Variants in IGF1 observed in about 807,000 individuals in gnomAD.
IGF1 encodes insulin like growth factor 1.
Under a neutral mutation model 13.8 loss-of-function variants are expected in IGF1, and 4 were observed. The ratio of observed to expected loss-of-function variants is 0.29; its 90% confidence interval spans 0.14 to 0.66. IGF1 has a LOEUF of 0.66. IGF1 is among the 30% of genes least tolerant of loss of function. The probability of loss-of-function intolerance (pLI) is 0.78; values close to 1 mark genes in which losing one functional copy is unlikely to be tolerated. For missense variants in IGF1, 124 were observed against 188.5 expected, an observed-to-expected ratio of 0.66 and a Z score of 2.00; for synonymous variants, 76 against 72.6, an observed-to-expected ratio of 1.05 and a Z score of -0.23.
At chr12:102,476,701 C>A (rs576156592) in intron 1 of IGF1, among the ~76,000 whole-genome samples, 1 of 152,136 alleles carries the variant, frequency 6.6e-6, no homozygotes, top group African/African-American at 2.4e-5. Flanking sequence ...GGCTTCATCT[C>A]TTGGAGGGAC....
At chr12:102,425,400 ATCT>A (rs1876112297) in intron 2 of IGF1, among the ~76,000 whole-genome samples, 2 of 152,218 alleles carry the variant, frequency 1.3e-5, no homozygotes, top group African/African-American at 4.8e-5. Context: ...GGACAAGGTC[ATCT>A]TTTTCTAGGA....
chr12:102,427,032 C>T (rs755041531), intron 2 of IGF1, among the ~76,000 whole-genome samples: 2 of 152,166 alleles, frequency 1.3e-5, no homozygotes, highest in Non-Finnish European at 2.9e-5. Flanking sequence ...ACCAGGGCTC[C>T]CTCTCCTGCC....
intron 2 of IGF1, among the ~76,000 whole-genome samples, chr12:102,473,789 C>T (rs745969641): frequency 7.2e-5 from 11 of 152,182 alleles, no homozygotes; most frequent in African/African-American, 2.7e-4. Flanking sequence ...TGTCCAATAT[C>T]CTTAAGTGTC....
At chr12:102,404,520 A>G (rs1873967192) in intron 3 of IGF1, among the ~76,000 whole-genome samples, 1 of 152,222 alleles carries the variant, frequency 6.6e-6, no homozygotes, top group Non-Finnish European at 1.5e-5. Context: ...CTGACTGAGT[A>G]GAAGGAAGAT....
intron 2 of IGF1, among the ~76,000 whole-genome samples, chr12:102,469,185 G>A (rs1880532124): frequency 6.6e-6 from 1 of 152,086 alleles, no homozygotes; most frequent in Admixed American, 6.5e-5. Context: ...CTTTATTTTG[G>A]GGAAGTTTCT....
chr12:102,479,634 C>T (rs1881284381), intron 1 of IGF1, among the ~76,000 whole-genome samples: 1 of 152,154 alleles, frequency 6.6e-6, no homozygotes. Context: ...GCAAGCAGCT[C>T]TTAGAAAGTT....
chr12:102,406,297 C>G lies in IGF1; in HGVS notation c.403-3731G>C, dbSNP rs1057106055. Among the ~76,000 whole-genome samples, 6 of 152,220 alleles carry G rather than the reference C, an allele frequency of 3.9e-5. No homozygotes were observed. The South Asian group carries it at 1.2e-3, about 32-fold the overall frequency. ...TACGCCAGCCACCCTTGACAATGGGCGGCAAGTGGAGGCATGTTAGAAGCA... is the reference window on the plus strand; with the variant it reads ...TACGCCAGCCACCCTTGACAATGGGGGGCAAGTGGAGGCATGTTAGAAGCA... On this transcript the variant is annotated intron_variant, in intron 3 of 3. Coordinates refer to ENST00000337514, the MANE Select transcript of IGF1 (RefSeq NM_000618.5).
chr12:102,428,430 G>A (rs943239107), intron 2 of IGF1, among the ~76,000 whole-genome samples: 1 of 151,836 alleles, frequency 6.6e-6, no homozygotes, highest in African/African-American at 2.4e-5. Flanking sequence ...CTAATTTGGA[G>A]TTGGGCTTGA....
chr12:102,402,994 G>A (rs937611140), intron 3 of IGF1, among the ~76,000 whole-genome samples: 1 of 152,158 alleles, frequency 6.6e-6, no homozygotes, highest in Admixed American at 6.5e-5. Context: ...TTGTAAAAAA[G>A]AGACATTTAT....
At chr12:102,412,737 C>T (rs1439249802) in intron 3 of IGF1, among the ~76,000 whole-genome samples, 1 of 152,196 alleles carries the variant, frequency 6.6e-6, no homozygotes, top group Non-Finnish European at 1.5e-5. Flanking sequence ...CTTAGGGGCT[C>T]TCTGGAAGAA....
intron 2 of IGF1, among the ~76,000 whole-genome samples, chr12:102,448,689 T>TAAAAAAAAAAAAA (rs58794507): frequency 9.1e-6 from 1 of 110,308 alleles, no homozygotes. Context: ...TAGAGTATAA[T>TAAAAAAAAAAAAA]AAAAAAAAAA....
intron 3 of IGF1, among the ~76,000 whole-genome samples, chr12:102,415,445 A>G (rs1744976756): frequency 6.6e-6 from 1 of 152,184 alleles, no homozygotes; most frequent in South Asian, 2.1e-4. Context: ...TAATTGCTTT[A>G]GAGTTGATAA....
chr12:102,422,022 CA>C (rs5742669), intron 2 of IGF1, among the ~76,000 whole-genome samples: 1 of 151,426 alleles, frequency 6.6e-6, no homozygotes, highest in Non-Finnish European at 1.5e-5. Flanking sequence ...ATCATCACAG[CA>C]AAAAAAATAA....
chr12:102,428,203 G>T (rs1488716270), intron 2 of IGF1, among the ~76,000 whole-genome samples: 1 of 67,736 alleles, frequency 1.5e-5, no homozygotes, highest in Non-Finnish European at 3.5e-5. Flanking sequence ...TATCCAGATG[G>T]TCATGAACGA....
chr12:102,427,868 T>A (rs1876350160), intron 2 of IGF1, among the ~76,000 whole-genome samples: 1 of 151,960 alleles, frequency 6.6e-6, no homozygotes, highest in African/African-American at 2.4e-5. Flanking sequence ...TGGTTTGGTG[T>A]TACATGATAT....
At chr12:102,454,083 C>A (rs562360969) in intron 2 of IGF1, among the ~76,000 whole-genome samples, 1 of 152,164 alleles carries the variant, frequency 6.6e-6, no homozygotes, top group African/African-American at 2.4e-5. Flanking sequence ...AACACCCAAA[C>A]AACTGGCTGG....
intron 2 of IGF1, among the ~76,000 whole-genome samples, chr12:102,456,901 C>T (rs1305191329): frequency 2.0e-5 from 3 of 152,198 alleles, no homozygotes; most frequent in African/African-American, 7.2e-5. Context: ...TCAATTCTAA[C>T]AACACTTCAC....
At chr12:102,452,565 C>CAGA (rs1879058498) in intron 2 of IGF1, among the ~76,000 whole-genome samples, 1 of 152,190 alleles carries the variant, frequency 6.6e-6, no homozygotes, top group Non-Finnish European at 1.5e-5. Flanking sequence ...TTAGGGGGGT[C>CAGA]TTGCCAATTA....
chr12:102,419,888 C>T (rs892489695), intron 2 of IGF1, among the ~76,000 whole-genome samples, 198 bp from the exon 3 acceptor site: 3 of 152,198 alleles, frequency 2.0e-5, no homozygotes, highest in African/African-American at 4.8e-5. Context: ...GTCTGTACCA[C>T]ACTCATTAGC....
Sources: allele counts gnomAD v4.1 joint callset (sites outside exome capture counted in the v4.1 genomes callset), GRCh38; gene constraint gnomAD v4.1.1; transcripts MANE v1.5; gene names NCBI Gene and HGNC (gene_info 2026-07-23, HGNC 2026-07-21).